Variants in GALNTL6 observed in about 807,000 individuals in gnomAD.
The protein encoded by GALNTL6 is polypeptide N-acetylgalactosaminyltransferase like 6.
In GALNTL6, 46 loss-of-function variants were observed where a neutral mutation model predicts 73.7. The observed-to-expected ratio is 0.62, with a 90% CI of 0.49 to 0.80. The LOEUF (loss-of-function observed/expected upper bound fraction) is 0.80. Among genes scored for constraint, GALNTL6 ranks in the 30% least tolerant of loss-of-function variants. The pLI is 0.00. For synonymous variants in GALNTL6, 259 were observed against 263.7 expected, an observed-to-expected ratio of 0.98 and a Z score of 0.17; for missense variants, 604 against 755.0, an observed-to-expected ratio of 0.80 and a Z score of 2.34.
intron 5 of GALNTL6, among the ~76,000 whole-genome samples, chr4:172,529,670 T>TTTGTTG (rs10642038): frequency 0.017 from 2,534 of 148,212 alleles, 28 homozygotes; most frequent in African/African-American, 0.024. Flanking sequence ...ACCTAATTTG[T>TTTGTTG]TTGTTGTTGT....
In GALNTL6 at chr4:172,719,387, A is replaced by G. The variant is rs139685507; in HGVS notation, c.554-89974A>G. Among the ~76,000 whole-genome samples, 1,350 of 152,314 alleles carry G rather than the reference A, an allele frequency of 8.9e-3. 11 individuals are homozygous for G. The highest frequency in any genetic ancestry group is 0.017 in the South Asian group (82 of 4,828). On this transcript the variant is annotated intron_variant, in intron 5 of 12. Transcript: ENST00000506823. ...TACTCCTTTAAGCCTCAGTGCTGTC[A>G]TTTGTAAAATGGAGAATAAAACACT...
At chr4:171,963,415 T>G (rs1475909239) in intron 2 of GALNTL6, among the ~76,000 whole-genome samples, 1 of 152,158 alleles carries the variant, frequency 6.6e-6, no homozygotes, top group Non-Finnish European at 1.5e-5. Context: ...AAAAGCTATA[T>G]AGTTATTTAA....
At chr4:172,281,159 A>T (rs930090501) in intron 3 of GALNTL6, among the ~76,000 whole-genome samples, 1 of 152,140 alleles carries the variant, frequency 6.6e-6, no homozygotes, top group Non-Finnish European at 1.5e-5. Flanking sequence ...CCACAGAGTG[A>T]GACTCCGTCT....
At chr4:172,434,908 C>G (rs775410836) in intron 5 of GALNTL6, among the ~76,000 whole-genome samples, 1 of 151,990 alleles carries the variant, frequency 6.6e-6, no homozygotes, top group Non-Finnish European at 1.5e-5. Context: ...CTTCCAAGCT[C>G]TTTGTTATTC....
At chr4:172,260,797 A>G (rs1026729042) in intron 3 of GALNTL6, among the ~76,000 whole-genome samples, 9 of 151,430 alleles carry the variant, frequency 5.9e-5, no homozygotes, top group African/African-American at 2.2e-4. Flanking sequence ...AATTTTGCCA[A>G]AGGTTTTAAT....
At chr4:172,301,165 C>T (rs1332254686) in intron 3 of GALNTL6, among the ~76,000 whole-genome samples, 1 of 152,202 alleles carries the variant, frequency 6.6e-6, no homozygotes, top group Admixed American at 6.5e-5. Context: ...GAATTGGCTA[C>T]TGAGGCTTGT....
At chr4:172,761,669 T>TTCTCTCTCTCTCTC (rs33989573) in intron 5 of GALNTL6, among the ~76,000 whole-genome samples, 1,604 of 147,238 alleles carry the variant, frequency 0.011, 26 homozygotes, top group African/African-American at 0.035. Flanking sequence ...CTTGCTCTCT[T>TTCTCTCTCTCTCTC]TCTCTCTCTC....
intron 9 of GALNTL6, among the ~76,000 whole-genome samples, chr4:172,951,009 T>C (rs1309278822): frequency 2.6e-5 from 4 of 152,218 alleles, no homozygotes; most frequent in African/African-American, 9.6e-5. Flanking sequence ...CCATAGAGCC[T>C]GAAGGCACAT....
intron 8 of GALNTL6, among the ~76,000 whole-genome samples, chr4:172,894,923 A>T (rs1285452506): frequency 4.1e-5 from 6 of 145,406 alleles, no homozygotes; most frequent in African/African-American, 1.0e-4. Context: ...TGATCTCTTT[A>T]TCATTATATA....
chr4:172,438,201 C>T (rs755954397), intron 5 of GALNTL6, among the ~76,000 whole-genome samples: 23 of 152,016 alleles, frequency 1.5e-4, no homozygotes, highest in Non-Finnish European at 2.8e-4. Context: ...CTTTATAATA[C>T]CCTTCAATGC....
chr4:172,625,617 G>C (rs577264707), intron 5 of GALNTL6, among the ~76,000 whole-genome samples: 1 of 152,132 alleles, frequency 6.6e-6, no homozygotes, highest in South Asian at 2.1e-4. Context: ...TTCCACAGTG[G>C]CTAAGCTAAC....
At chr4:172,250,723 C>T (rs1737832162) in intron 3 of GALNTL6, among the ~76,000 whole-genome samples, 1 of 152,144 alleles carries the variant, frequency 6.6e-6, no homozygotes, top group African/African-American at 2.4e-5. Flanking sequence ...AATTAAACTT[C>T]CTTCCTTTAT....
chr4:172,051,156 C>T (rs1267906131), intron 2 of GALNTL6, among the ~76,000 whole-genome samples: 1 of 151,980 alleles, frequency 6.6e-6, no homozygotes, highest in Non-Finnish European at 1.5e-5. Context: ...GTGTTCAGCA[C>T]CATGCACTTA....
chr4:172,765,313 A>T (rs1487570820), intron 5 of GALNTL6, among the ~76,000 whole-genome samples: 1 of 152,228 alleles, frequency 6.6e-6, no homozygotes, highest in Non-Finnish European at 1.5e-5. Context: ...TGACCTTTTT[A>T]TAAAAGTGAT....
At chr4:172,436,993 C>G (rs544127112) in intron 5 of GALNTL6, among the ~76,000 whole-genome samples, 19 of 152,108 alleles carry the variant, frequency 1.2e-4, no homozygotes, top group Admixed American at 1.2e-3. Context: ...GTAAACTACC[C>G]CAATCTTCAC....
At chr4:172,695,727 C>T (rs1360124733) in intron 5 of GALNTL6, among the ~76,000 whole-genome samples, 1 of 152,168 alleles carries the variant, frequency 6.6e-6, no homozygotes, top group Non-Finnish European at 1.5e-5. Flanking sequence ...GCGGGCGGAT[C>T]ATGAGGTCAG....
chr4:172,195,907 A>G (rs1010002237), intron 2 of GALNTL6, among the ~76,000 whole-genome samples: 1 of 152,128 alleles, frequency 6.6e-6, no homozygotes, highest in African/African-American at 2.4e-5. Context: ...ACCAACCCCA[A>G]AACTAGCAGA....
At position 172,005,993 on chromosome 4, in the gene GALNTL6, C is replaced by T. The variant is rs191155558; in HGVS notation, c.138+191275C>T. Among the ~76,000 whole-genome samples the T allele has an allele frequency of 1.6e-3, 246 of 152,304 alleles. 5 individuals are homozygous for T. Among genetic ancestry groups the T allele is most frequent in the Admixed American group, 0.011 (172 of 15,292 alleles). ...GATTTGCTTTCACAAGACCTATTAA[C>T]TTTCTAGTATCAGATCTTACATTTT... On this transcript the variant is annotated intron_variant, in intron 2 of 12. Transcript: ENST00000506823.
intron 2 of GALNTL6, among the ~76,000 whole-genome samples, chr4:172,132,129 C>G (rs1459869579): frequency 6.6e-6 from 1 of 151,688 alleles, no homozygotes; most frequent in Non-Finnish European, 1.5e-5. Context: ...TTAACTCAGC[C>G]CATCTGGTTA....
Sources: allele counts gnomAD v4.1 joint callset (sites outside exome capture counted in the v4.1 genomes callset), GRCh38; gene constraint gnomAD v4.1.1; transcripts MANE v1.5; gene names NCBI Gene and HGNC (gene_info 2026-07-23, HGNC 2026-07-21).